The following CLSTN2 variants were observed in gnomAD, a reference collection of about 807,000 sequenced individuals.
The protein encoded by CLSTN2 is calsyntenin 2.
Under a neutral mutation model 101.2 loss-of-function variants are expected in CLSTN2, and 48 were observed. That is an observed-to-expected ratio of 0.47 (90% CI 0.38 to 0.60). The LOEUF is 0.60. Among genes scored for constraint, CLSTN2 ranks in the 20% least tolerant of loss-of-function variants. CLSTN2 has a pLI of 0.00. For synonymous variants in CLSTN2, 481 were observed against 463.6 expected (o/e 1.04, Z -0.48); for missense variants, 1,160 against 1,238.2 (o/e 0.94, Z 0.95).
At chr3:140,118,997 G>A in intron 1 of CLSTN2, among the ~76,000 whole-genome samples, 1 of 152,126 alleles carries the variant, frequency 6.6e-6, no homozygotes, top group East Asian at 1.9e-4. Context: ...CAACAACATA[G>A]CAGAGCAGGC....
At chr3:140,139,432 C>T (rs1336101616) in intron 1 of CLSTN2, among the ~76,000 whole-genome samples, 2 of 152,186 alleles carry the variant, frequency 1.3e-5, no homozygotes, top group African/African-American at 4.8e-5. Context: ...GGGTCCACCG[C>T]ATTGCAGGTG....
At chr3:140,457,662 A>G (rs1195893858) in intron 6 of CLSTN2, among the ~76,000 whole-genome samples, 1 of 152,234 alleles carries the variant, frequency 6.6e-6, no homozygotes, top group Admixed American at 6.5e-5. Flanking sequence ...AAGTGTGATG[A>G]GAGGCGTGGA....
At chr3:140,092,726 A>G (rs1193088209) in intron 1 of CLSTN2, among the ~76,000 whole-genome samples, 3 of 152,204 alleles carry the variant, frequency 2.0e-5, no homozygotes, top group African/African-American at 7.2e-5. Flanking sequence ...CAAGTTAATT[A>G]CAACACGAGG....
intron 1 of CLSTN2, among the ~76,000 whole-genome samples, chr3:139,998,814 A>G (rs1427877387): frequency 6.6e-6 from 1 of 152,126 alleles, no homozygotes; most frequent in Non-Finnish European, 1.5e-5. Context: ...AGCAGAACTT[A>G]GAAGCTGACA....
At chr3:140,562,368 G>A in intron 13 of CLSTN2, 60 bp downstream of exon 13, 2 of 1,498,334 alleles carry the variant, frequency 1.3e-6, no homozygotes, top group South Asian at 1.3e-5. Flanking sequence ...TCCTTGTCCA[G>A]GGAGACATGA....
chr3:140,259,658 G>A (rs1009078373), intron 2 of CLSTN2, among the ~76,000 whole-genome samples: 3 of 151,794 alleles, frequency 2.0e-5, no homozygotes, highest in South Asian at 4.2e-4. Flanking sequence ...CCATCTACCC[G>A]ACAGGCAACT....
intron 5 of CLSTN2, among the ~76,000 whole-genome samples, chr3:140,424,338 C>T (rs1321180597): frequency 6.6e-6 from 1 of 152,166 alleles, no homozygotes; most frequent in Non-Finnish European, 1.5e-5. Context: ...TATAACAGGC[C>T]ATAAGGCCTT....
intron 2 of CLSTN2, among the ~76,000 whole-genome samples, chr3:140,336,243 A>G (rs2107932877): frequency 6.6e-6 from 1 of 152,302 alleles, no homozygotes; most frequent in South Asian, 2.1e-4. Context: ...ATTTTATTTC[A>G]TGTAATCCTT....
At chr3:140,385,027 C>T (rs557602301) in intron 2 of CLSTN2, among the ~76,000 whole-genome samples, 3 of 152,252 alleles carry the variant, frequency 2.0e-5, no homozygotes, top group East Asian at 3.9e-4. Context: ...CCTAGTGTGA[C>T]CTTGAACAAC....
At chr3:140,073,775 G>A (rs1248012775) in intron 1 of CLSTN2, among the ~76,000 whole-genome samples, 1 of 152,230 alleles carries the variant, frequency 6.6e-6, no homozygotes, top group African/African-American at 2.4e-5. Flanking sequence ...TGCAAAGGGT[G>A]CATGGTTTAA....
chr3:140,180,379 AACCTCCCTCAG>A (rs1377577626), intron 2 of CLSTN2, among the ~76,000 whole-genome samples: 1 of 152,182 alleles, frequency 6.6e-6, no homozygotes, highest in Non-Finnish European at 1.5e-5. Context: ...CAGTCAGTGA[AACCTCCCTCAG>A]ACTTCAGTCA....
In CLSTN2 at chr3:140,546,652, TC is replaced by T; in HGVS notation, c.1647del (p.Leu550TrpfsTer8). 6.2e-7 allele frequency: 1 copy of T among 1,613,554 alleles called. No individual in the cohort carries two copies. The highest frequency in any genetic ancestry group is 8.5e-7 in the Non-Finnish European group (1 of 1,179,864). Reference sequence around the variant, plus strand: ...CTGCAAGGAAGGGCTGGACATTAATTCCTTGGAAAGCCTTGGCCAAGGAATA... The same window carrying T: ...CTGCAAGGAAGGGCTGGACATTAATTCTTGGAAAGCCTTGGCCAAGGAATA... ...QACKEGLDIN[S>X]LESLGQGIKY... On this transcript the variant is annotated frameshift_variant, in exon 10 of 17. Transcript: ENST00000458420. LOFTEE classifies it high-confidence loss of function.
Position 140,236,817 on chromosome 3 carries a change from G to C in CLSTN2, c.232+60744G>C, listed in dbSNP as rs142698579. Among the ~76,000 whole-genome samples the C allele has an allele frequency of 2.7e-3, 352 of 129,550 alleles. 3 individuals carry two copies. Among genetic ancestry groups the C allele is most frequent in the Non-Finnish European group, 4.0e-3 (246 of 61,970 alleles). 85.0% of individuals were successfully genotyped at this position (129,550 alleles called of 152,430 possible). A position where few individuals can be genotyped will look rare whatever the true frequency, so the allele number is the denominator to read the frequency against. ...TTGTTCATTTCCTATTACATGTTAT[G>C]TTATATAGTGTGTGTGTGTGTGTGT... On this transcript the variant is annotated intron_variant, in intron 2 of 16. Coordinates refer to ENST00000458420, the MANE Select transcript of CLSTN2 (RefSeq NM_022131.3).
intron 6 of CLSTN2, among the ~76,000 whole-genome samples, chr3:140,457,871 A>G (rs1933443905): frequency 6.6e-6 from 1 of 152,204 alleles, no homozygotes; most frequent in South Asian, 2.1e-4. Context: ...GATACATACA[A>G]ACTACAGCAT....
intron 2 of CLSTN2, among the ~76,000 whole-genome samples, chr3:140,355,013 C>T (rs1305449514): frequency 6.6e-6 from 1 of 152,186 alleles, no homozygotes; most frequent in Non-Finnish European, 1.5e-5. Flanking sequence ...TGAAGAAGCT[C>T]AAGACCTGGT....
chr3:140,477,990 A>G (rs969755896), intron 8 of CLSTN2, among the ~76,000 whole-genome samples: 2 of 152,212 alleles, frequency 1.3e-5, no homozygotes, highest in Non-Finnish European at 2.9e-5. Context: ...CACATCCTTC[A>G]GGAATACTTT....
At chr3:140,247,193 A>G (rs2086525780) in intron 2 of CLSTN2, among the ~76,000 whole-genome samples, 1 of 152,222 alleles carries the variant, frequency 6.6e-6, no homozygotes, top group African/African-American at 2.4e-5. Flanking sequence ...TATCTGTACC[A>G]TAGGGCTCTA....
At chr3:140,220,930 A>AAC (rs2086266423) in intron 2 of CLSTN2, among the ~76,000 whole-genome samples, 1 of 152,194 alleles carries the variant, frequency 6.6e-6, no homozygotes, top group African/African-American at 2.4e-5. Flanking sequence ...AAACATTGTT[A>AAC]TCTGTATTAA....
chr3:140,315,135 T>A (rs936380619), intron 2 of CLSTN2, among the ~76,000 whole-genome samples: 1 of 152,192 alleles, frequency 6.6e-6, no homozygotes, highest in African/African-American at 2.4e-5. Context: ...GAGGATGGCC[T>A]TCACCCACAT....
Sources: gnomAD v4.1 joint callset for allele counts (sites outside exome capture counted in the v4.1 genomes callset) on GRCh38, gnomAD v4.1.1 for gene constraint, MANE v1.5 for transcripts, NCBI Gene and HGNC (gene_info 2026-07-23, HGNC 2026-07-21) for gene names.